The following SPAG16 variants were observed in gnomAD, a reference collection of about 807,000 sequenced individuals.
SPAG16 encodes sperm-associated antigen 16 protein.
In SPAG16, 86 loss-of-function variants were observed where a neutral mutation model predicts 80.4. The ratio of observed to expected loss-of-function variants is 1.07; its 90% CI spans 0.90 to 1.28. SPAG16 has a LOEUF of 1.28. Among genes scored for constraint, SPAG16 ranks in the 50% most tolerant of loss-of-function variants. SPAG16 has a pLI of 0.00. For missense variants in SPAG16, 870 were observed against 765.3 expected (o/e 1.14, Z -1.61); for synonymous variants, 294 against 265.9 (o/e 1.11, Z -1.03).
chr2:213,618,434 C>T (rs1237900782), intron 10 of SPAG16, among the ~76,000 whole-genome samples: 1 of 152,138 alleles, frequency 6.6e-6, no homozygotes, highest in African/African-American at 2.4e-5. Context: ...TGCTGCCTCC[C>T]AACATACAAA....
At chr2:214,311,183 G>A (rs1018627849) in intron 15 of SPAG16, among the ~76,000 whole-genome samples, 2 of 152,152 alleles carry the variant, frequency 1.3e-5, no homozygotes, top group Non-Finnish European at 2.9e-5. Flanking sequence ...CGCTTTGGCA[G>A]TCTGCATTCC....
intron 10 of SPAG16, among the ~76,000 whole-genome samples, chr2:213,573,217 G>A (rs1393577040): frequency 2.0e-5 from 3 of 151,890 alleles, no homozygotes; most frequent in African/African-American, 7.3e-5. Context: ...CACGCTGGGA[G>A]CTGTAGACCG....
At chr2:213,999,830 G>C (rs2046702431) in intron 12 of SPAG16, among the ~76,000 whole-genome samples, 1 of 152,218 alleles carries the variant, frequency 6.6e-6, no homozygotes, top group South Asian at 2.1e-4. Context: ...TTTAAAATTT[G>C]ACTGCCTCAC....
intron 10 of SPAG16, among the ~76,000 whole-genome samples, chr2:213,496,719 A>ATTC (rs2074506737): frequency 6.6e-6 from 1 of 150,968 alleles, no homozygotes; most frequent in African/African-American, 2.4e-5. Context: ...ACATATCCAT[A>ATTC]TATATAATGC....
At chr2:214,256,223 A>T (rs191313729) in intron 15 of SPAG16, among the ~76,000 whole-genome samples, 1 of 151,986 alleles carries the variant, frequency 6.6e-6, no homozygotes, top group East Asian at 1.9e-4. Flanking sequence ...CTTTTCATGC[A>T]CGTATTGGCC....
chr2:214,328,944 G>A (rs1347476240), intron 15 of SPAG16, among the ~76,000 whole-genome samples: 1 of 151,986 alleles, frequency 6.6e-6, no homozygotes, highest in Non-Finnish European at 1.5e-5. Context: ...GACTGTTCAG[G>A]AAACTAGCCT....
At chr2:214,177,635 GT>G (rs1346654488) in intron 15 of SPAG16, among the ~76,000 whole-genome samples, 2 of 150,146 alleles carry the variant, frequency 1.3e-5, no homozygotes, top group Non-Finnish European at 3.0e-5. Context: ...TAGGTTTTTT[GT>G]GAAACAAAAA....
At chr2:213,976,066 C>G (rs1169955633) in intron 12 of SPAG16, among the ~76,000 whole-genome samples, 1 of 146,854 alleles carries the variant, frequency 6.8e-6, no homozygotes, top group Non-Finnish European at 1.5e-5. Context: ...CATGATATGG[C>G]ATCTGGCTTT....
chr2:213,859,356 G>C (rs904453477), intron 10 of SPAG16, among the ~76,000 whole-genome samples: 4 of 151,914 alleles, frequency 2.6e-5, no homozygotes, highest in African/African-American at 4.8e-5. Context: ...TTGTGGGAGA[G>C]GCTCTCCTCC....
At chr2:213,614,237 G>A (rs756114606) in intron 10 of SPAG16, among the ~76,000 whole-genome samples, 10 of 152,096 alleles carry the variant, frequency 6.6e-5, no homozygotes, top group African/African-American at 1.2e-4. Flanking sequence ...GATTTTTAAC[G>A]TCCTGCAAGT....
intron 15 of SPAG16, among the ~76,000 whole-genome samples, chr2:214,264,581 A>G (rs1691417923): frequency 1.3e-5 from 2 of 152,166 alleles, no homozygotes; most frequent in African/African-American, 4.8e-5. Flanking sequence ...AACATTTTGC[A>G]TTCGTATGGT....
chr2:213,413,078 T>C (rs1233826647), intron 9 of SPAG16, among the ~76,000 whole-genome samples: 1 of 152,152 alleles, frequency 6.6e-6, no homozygotes, highest in Non-Finnish European at 1.5e-5. Context: ...CTATAAATGG[T>C]GTTTTATAGT....
At chr2:213,595,757 T>A (rs1055366135) in intron 10 of SPAG16, among the ~76,000 whole-genome samples, 2 of 152,140 alleles carry the variant, frequency 1.3e-5, no homozygotes, top group Non-Finnish European at 2.9e-5. Context: ...AGGTTTTTTT[T>A]ACTTTATACT....
intron 9 of SPAG16, among the ~76,000 whole-genome samples, chr2:213,443,133 G>A (rs2071085325): frequency 6.6e-6 from 1 of 152,082 alleles, no homozygotes; most frequent in African/African-American, 2.4e-5. Context: ...ATTTTAATCT[G>A]TCCAGCACCT....
chr2:214,333,262 T>A (rs1374347947), intron 15 of SPAG16, among the ~76,000 whole-genome samples: 2 of 152,212 alleles, frequency 1.3e-5, no homozygotes, highest in Non-Finnish European at 2.9e-5. Flanking sequence ...ATATGCTTGA[T>A]TTCCTTGGAT....
chr2:213,474,814 T>C (rs973854912), intron 9 of SPAG16, among the ~76,000 whole-genome samples: 2 of 152,192 alleles, frequency 1.3e-5, no homozygotes, highest in Non-Finnish European at 2.9e-5. Context: ...GCTGATTAGT[T>C]GGTGCCCACC....
At chr2:213,436,985 C>T (rs932683465) in intron 9 of SPAG16, among the ~76,000 whole-genome samples, 15 of 151,772 alleles carry the variant, frequency 9.9e-5, no homozygotes, top group African/African-American at 3.6e-4. Context: ...GATCTCGGTT[C>T]ACTGCAAGCT....
intron 10 of SPAG16, among the ~76,000 whole-genome samples, chr2:213,723,228 G>A (rs1470973863): frequency 6.6e-6 from 1 of 152,118 alleles, no homozygotes; most frequent in African/African-American, 2.4e-5. Context: ...CATCCAGTAA[G>A]TAGCCTGCCC....
intron 15 of SPAG16, among the ~76,000 whole-genome samples, chr2:214,172,857 G>A (rs926259721): frequency 6.6e-6 from 1 of 152,022 alleles, no homozygotes; most frequent in African/African-American, 2.4e-5. Context: ...GCCAGTGATG[G>A]TGAACATTTT....
Sources: gnomAD v4.1 joint callset for allele counts (sites outside exome capture counted in the v4.1 genomes callset) on GRCh38, gnomAD v4.1.1 for gene constraint, MANE v1.5 for transcripts, NCBI Gene and HGNC (gene_info 2026-07-23, HGNC 2026-07-21) for gene names.